The following UBN2 variants were observed in gnomAD, a reference collection of about 807,000 sequenced individuals.
The protein encoded by UBN2 is ubinuclein-2.
In UBN2, 35 loss-of-function variants were observed where a neutral mutation model predicts 120.2. That is an observed-to-expected ratio of 0.29 (90% CI 0.22 to 0.39). The LOEUF (loss-of-function observed/expected upper bound fraction) is 0.39, where lower values mean the gene tolerates loss of function less well. Ranked by LOEUF, UBN2 falls within the 10% of genes least tolerant of loss-of-function variation. The pLI is 1.00. For synonymous variants in UBN2, 661 were observed against 648.7 expected (o/e 1.02, Z -0.29); for missense variants, 1,693 against 1,663.2 (o/e 1.02, Z -0.31).
At chr7:139,262,483 G>T (rs1334846765) in intron 6 of UBN2, among the ~76,000 whole-genome samples, 2 of 152,122 alleles carry the variant, frequency 1.3e-5, no homozygotes, top group Non-Finnish European at 2.9e-5. Flanking sequence ...AGCCAAGGTG[G>T]GTGAACCACT....
chr7:139,259,783 G>C (rs1796875537), intron 5 of UBN2, among the ~76,000 whole-genome samples: 1 of 152,164 alleles, frequency 6.6e-6, no homozygotes, highest in Admixed American at 6.5e-5. Flanking sequence ...GAGTCTCACT[G>C]TATCACCCAG....
At chr7:139,280,698 T>C (rs1797582589) in intron 13 of UBN2, among the ~76,000 whole-genome samples, 1 of 152,182 alleles carries the variant, frequency 6.6e-6, no homozygotes. Context: ...CAGGCTGGAG[T>C]GCAGTGGTGC....
intron 2 of UBN2, among the ~76,000 whole-genome samples, chr7:139,238,390 T>G (rs1004838363): frequency 6.6e-6 from 1 of 152,294 alleles, no homozygotes; most frequent in Non-Finnish European, 1.5e-5. Context: ...AATTGTGTCC[T>G]TTTGGTGAGG....
At chr7:139,246,923 A>G (rs1306782673) in intron 2 of UBN2, among the ~76,000 whole-genome samples, 1 of 152,098 alleles carries the variant, frequency 6.6e-6, no homozygotes, top group African/African-American at 2.4e-5. Flanking sequence ...CTGTATTCCT[A>G]CTGTGGATTA....
chr7:139,322,722 C>T, the UBN2 span, among the ~76,000 whole-genome samples: 3 of 147,788 alleles, frequency 2.0e-5, no homozygotes, highest in South Asian at 2.1e-4. Context: ...TTATTAGAGA[C>T]GGGGTGTCAC....
chr7:139,319,758 A>AT, the UBN2 span, among the ~76,000 whole-genome samples: 1 of 152,162 alleles, frequency 6.6e-6, no homozygotes, highest in Admixed American at 6.5e-5. Flanking sequence ...GCTTTAAAGT[A>AT]TTTTTTGTGT....
At chr7:139,232,328 C>T (rs376386045) in intron 1 of UBN2, among the ~76,000 whole-genome samples, 1 of 152,248 alleles carries the variant, frequency 6.6e-6, no homozygotes, top group Admixed American at 6.5e-5. Context: ...CTACAGCTGT[C>T]GTTCCAGTAG....
chr7:139,231,623 G>A lies in UBN2; in HGVS notation c.139G>A (p.Ala47Thr). ...RLEPQPYREPARAEPPAPREP... is the reference protein window; with the variant it reads ...RLEPQPYREPTRAEPPAPREP... ...GGAGCCGCAGCCGTACCGCGAGCCG[G>A]CCCGGGCGGAGCCGCCGGCCCCGCG... Residue 47 changes from alanine to threonine, a missense_variant, in exon 1 of 18, where the codon GCC (alanine) becomes ACC (threonine). By Grantham distance (58) the Ala-to-Thr change is moderately conservative. This residue lies in a region of UBN2 where 663 missense variants were observed against 591.2 expected (regional missense o/e 1.12). Coordinates refer to ENST00000473989, the MANE Select transcript of UBN2 (RefSeq NM_173569.4). The A allele has an allele frequency of 1.6e-6, 2 of 1,281,092 alleles. No individual in the cohort carries two copies. The highest frequency in any genetic ancestry group is 3.7e-5 in the Admixed American group (1 of 26,818). The allele number at this position is 1,281,092 out of a possible 1,614,324, so 79.4% of individuals were successfully genotyped here.
chr7:139,322,759 C>T, the UBN2 span, among the ~76,000 whole-genome samples: 4 of 151,866 alleles, frequency 2.6e-5, no homozygotes, highest in South Asian at 2.1e-4. Context: ...GTCTCAGTCT[C>T]GATCTCCTGA....
At chr7:139,266,846 A>G (rs755353038) in intron 7 of UBN2, among the ~76,000 whole-genome samples, 8 of 152,332 alleles carry the variant, frequency 5.3e-5, no homozygotes, top group Non-Finnish European at 1.0e-4. Flanking sequence ...AGTCAAATGG[A>G]AAGTACAGTT....
chr7:139,273,357 A>C lies in UBN2; in HGVS notation c.1776A>C (p.Pro592=), dbSNP rs751657288. 34 of 1,610,432 alleles carry C rather than the reference A, an allele frequency of 2.1e-5. No homozygotes were observed. The highest frequency in any genetic ancestry group is 3.3e-5 in the South Asian group (3 of 90,418). The change falls in exon 10 of 18, where the codon CCA becomes CCC. Residue 592 remains proline (P), a synonymous_variant. Coordinates refer to ENST00000473989, the MANE Select transcript of UBN2 (RefSeq NM_173569.4). ...NGSEEDDDEK[P]GKRVIGPRKK... ...CTGAAGAGGATGATGATGAGAAACC[A>C]GGAAAACGTGTCATAGGACCAAGAA...
At chr7:139,296,462 G>A (rs554617720) in intron 17 of UBN2, among the ~76,000 whole-genome samples, 15 of 152,266 alleles carry the variant, frequency 9.9e-5, no homozygotes, top group African/African-American at 3.4e-4. Flanking sequence ...TGCTATTCAT[G>A]CCTCTTCCCT....
intron 1 of UBN2, among the ~76,000 whole-genome samples, chr7:139,235,538 C>G (rs1187638535): frequency 6.6e-6 from 1 of 152,160 alleles, no homozygotes; most frequent in African/African-American, 2.4e-5. Context: ...TCCCGAGTAG[C>G]TGGGACTACA....
chr7:139,245,502 G>A (rs1178295667), intron 2 of UBN2, among the ~76,000 whole-genome samples: 1 of 152,098 alleles, frequency 6.6e-6, no homozygotes, highest in Non-Finnish European at 1.5e-5. Context: ...GAACTATTAT[G>A]GTTTCTGGTG....
downstream of UBN2, among the ~76,000 whole-genome samples, chr7:139,312,684 T>C (rs1463542307): frequency 6.6e-6 from 1 of 152,234 alleles, no homozygotes; most frequent in Non-Finnish European, 1.5e-5. Context: ...TTTTGTCTTA[T>C]GTTTGTGTTT....
chr7:139,283,550 A>G lies in UBN2; in HGVS notation c.2645A>G (p.Gln882Arg), dbSNP rs369021214. The G allele has an allele frequency of 1.9e-5, 30 of 1,614,076 alleles. No homozygotes were observed. In the African/African-American group the frequency reaches 3.2e-4, roughly 17 times the overall value. The part of the protein sequence containing the change: ...LPARLLQQGL[Q>R]RSSQIHTSSS... ...GCCAGGCTACTTCAACAAGGACTTC[A>G]GAGGTCAAGCCAGATTCACACTTCT... The change falls in exon 15 of 18, where the codon CAG becomes CGG. Residue 882 changes from glutamine (Q) to arginine (R), a missense_variant. Transcript: ENST00000473989.
the UBN2 span, among the ~76,000 whole-genome samples, chr7:139,326,999 A>G: frequency 2.0e-5 from 3 of 152,166 alleles, no homozygotes; most frequent in Non-Finnish European, 4.4e-5. Context: ...CATCCTTTTA[A>G]TGAAAGTATT....
chr7:139,284,381 G>A lies in UBN2; in HGVS notation c.3476G>A (p.Gly1159Glu), dbSNP rs202042178. The A allele has an allele frequency of 4.3e-6, 7 of 1,614,192 alleles. No homozygotes were observed. The highest frequency in any genetic ancestry group is 5.9e-6 in the Non-Finnish European group (7 of 1,180,034). ...LTNSSSTGTV[G>E]KNSLSGIAMN... Reference sequence around the variant, plus strand: ...AACTCATCATCCACTGGAACTGTTGGGAAGAACAGCTTGAGTGGAATTGCA... The same window carrying A: ...AACTCATCATCCACTGGAACTGTTGAGAAGAACAGCTTGAGTGGAATTGCA... Residue 1159 changes from glycine to glutamate, a missense_variant, in exon 15 of 18, where the codon GGG (glycine) becomes GAG (glutamate). Around this residue, in one of 5 missense-constraint regions of UBN2, gnomAD observed 837 missense variants for 817.6 expected, o/e 1.02. Transcript: ENST00000473989.
chr7:139,309,143 A>G (rs1798413125), downstream of UBN2, among the ~76,000 whole-genome samples: 1 of 152,228 alleles, frequency 6.6e-6, no homozygotes, highest in African/African-American at 2.4e-5. Flanking sequence ...GAGAAAGTGA[A>G]TATAAGTGTA....
Sources: allele counts gnomAD v4.1 joint callset (sites outside exome capture counted in the v4.1 genomes callset), GRCh38; gene constraint gnomAD v4.1.1; regional missense constraint gnomAD v4.1.1; transcripts MANE v1.5; gene names NCBI Gene and HGNC (gene_info 2026-07-23, HGNC 2026-07-21).